NUP210L: variants seen among roughly 807,000 people sequenced by gnomAD.
NUP210L encodes nuclear pore membrane glycoprotein 210-like.
In NUP210L, 74 loss-of-function variants were observed where a neutral mutation model predicts 208.5. That is an observed-to-expected ratio of 0.35 (90% CI 0.29 to 0.43). The LOEUF (loss-of-function observed/expected upper bound fraction) is 0.43. Among genes scored for constraint, NUP210L ranks in the 20% least tolerant of loss-of-function variants. NUP210L has a pLI of 1.00. For synonymous variants in NUP210L, 780 were observed against 816.9 expected, an observed-to-expected ratio of 0.95 and a Z score of 0.77; for missense variants, 1,843 against 2,289.4, an observed-to-expected ratio of 0.81 and a Z score of 3.98.
intron 34 of NUP210L, among the ~76,000 whole-genome samples, chr1:154,011,372 C>T (rs533935802): frequency 6.6e-6 from 1 of 151,616 alleles, no homozygotes; most frequent in African/African-American, 2.4e-5. Flanking sequence ...TACAGGCACC[C>T]GCCACTGCAC....
At chr1:154,079,182 C>T (rs1275630676) in intron 16 of NUP210L, among the ~76,000 whole-genome samples, 1 of 151,736 alleles carries the variant, frequency 6.6e-6, no homozygotes, top group Non-Finnish European at 1.5e-5. Context: ...TCACTTGAGC[C>T]GAAGAGTTCA....
At chr1:154,077,231 C>A (rs1655085414) in intron 16 of NUP210L, among the ~76,000 whole-genome samples, 1 of 151,874 alleles carries the variant, frequency 6.6e-6, no homozygotes, top group African/African-American at 2.4e-5. Flanking sequence ...AAAAAATTAG[C>A]CAGGCGTGGT....
intron 16 of NUP210L, among the ~76,000 whole-genome samples, chr1:154,087,443 T>C (rs1158370976): frequency 6.6e-6 from 1 of 151,842 alleles, no homozygotes; most frequent in Non-Finnish European, 1.5e-5. Flanking sequence ...ATAATAGTAA[T>C]TGTTGGCAAG....
At chr1:154,033,947 G>A (rs1170000968) in intron 27 of NUP210L, among the ~76,000 whole-genome samples, 1 of 151,742 alleles carries the variant, frequency 6.6e-6, no homozygotes, top group Non-Finnish European at 1.5e-5. Flanking sequence ...TTTTTGAGAT[G>A]GTGTCTAGCT....
At chr1:154,025,489 G>T in intron 30 of NUP210L, 53 bp downstream of exon 30, 2 of 1,237,906 alleles carry the variant, frequency 1.6e-6, no homozygotes. Flanking sequence ...GCTTTTTAAG[G>T]CCAGGGTATG....
chr1:154,122,437 A>G (rs951978573), intron 10 of NUP210L, among the ~76,000 whole-genome samples: 10 of 152,086 alleles, frequency 6.6e-5, no homozygotes, highest in Non-Finnish European at 5.9e-5. Flanking sequence ...CAGGCAGATC[A>G]TGAGGTCAGG....
At chr1:154,020,148 C>T (rs916944738) in intron 32 of NUP210L, among the ~76,000 whole-genome samples, 2 of 152,138 alleles carry the variant, frequency 1.3e-5, no homozygotes, top group Admixed American at 1.3e-4. Context: ...GTCCAAAATA[C>T]GTATTAATGT....
At chr1:154,144,521 T>C (rs1336970127) in intron 2 of NUP210L, among the ~76,000 whole-genome samples, 1 of 152,160 alleles carries the variant, frequency 6.6e-6, no homozygotes, top group African/African-American at 2.4e-5. Context: ...AATATACCCA[T>C]AATGAAATTC....
intron 38 of NUP210L, among the ~76,000 whole-genome samples, chr1:153,993,769 G>T (rs1457012407): frequency 2.0e-5 from 3 of 152,054 alleles, no homozygotes; most frequent in Non-Finnish European, 4.4e-5. Flanking sequence ...GTGGTGGCGG[G>T]TGTCTGTAAT....
intron 16 of NUP210L, among the ~76,000 whole-genome samples, chr1:154,074,411 C>T (rs1462855399): frequency 6.6e-6 from 1 of 151,538 alleles, no homozygotes; most frequent in East Asian, 1.9e-4. Flanking sequence ...ATTTATTTTT[C>T]TTCTCTTTCT....
At chr1:154,152,665 C>T in intron 2 of NUP210L, 71 bp downstream of exon 2, 1 of 1,347,374 alleles carries the variant, frequency 7.4e-7, no homozygotes, top group Non-Finnish European at 1.0e-6. Flanking sequence ...TTTGTGTTAA[C>T]TATCTATACA....
chr1:154,085,696 A>G (rs1655588276), intron 16 of NUP210L, among the ~76,000 whole-genome samples: 1 of 152,146 alleles, frequency 6.6e-6, no homozygotes, highest in South Asian at 2.1e-4. Flanking sequence ...AAAGTTGCAA[A>G]ATTCATACTT....
At chr1:154,150,246 T>A (rs560266663) in intron 2 of NUP210L, among the ~76,000 whole-genome samples, 1 of 151,822 alleles carries the variant, frequency 6.6e-6, no homozygotes, top group South Asian at 2.1e-4. Flanking sequence ...TGGTGGCACA[T>A]GTCTGTAATC....
chr1:154,146,611 A>ACCCCC (rs1659123226), intron 2 of NUP210L, among the ~76,000 whole-genome samples: 4 of 82,170 alleles, frequency 4.9e-5, no homozygotes, highest in African/African-American at 5.0e-5. Context: ...GCAAGATCCC[A>ACCCCC]TCCCCCCTCC....
intron 12 of NUP210L, among the ~76,000 whole-genome samples, chr1:154,109,548 T>C (rs1185364811): frequency 7.8e-4 from 2 of 2,566 alleles, no homozygotes; most frequent in Non-Finnish European, 9.1e-3. Context: ...AAGGATCTAA[T>C]AGAATTTACA....
At chr1:154,063,461 A>G (rs1408632158) in intron 17 of NUP210L, among the ~76,000 whole-genome samples, 2 of 152,224 alleles carry the variant, frequency 1.3e-5, no homozygotes, top group Non-Finnish European at 2.9e-5. Flanking sequence ...AGAAGTAAAC[A>G]GGGTCAGTCT....
In NUP210L at chr1:154,155,020, TTGA is replaced by T. The variant is rs758252924; in HGVS notation, c.22_24del (p.Ser8del). ...AAAAAGAGCCCGAAGCCTCGGCGTC[TTGA>T]TGACGCCGGACAGCCAGTCATGGCG... On this transcript the variant is annotated inframe_deletion, in exon 1 of 40. Coordinates refer to ENST00000368559, the Ensembl canonical transcript of NUP210L. 1.8e-5 allele frequency: 29 copies of T among 1,610,702 alleles called. No individual in the cohort carries two copies. In the South Asian group the frequency reaches 3.2e-4, roughly 18 times the overall value.
chr1:154,080,948 T>C lies in NUP210L; in HGVS notation c.2361+8473A>G, dbSNP rs1456886879. Among the ~76,000 whole-genome samples the C allele has an allele frequency of 6.0e-5, 8 of 132,318 alleles. No individual in the cohort carries two copies. In the South Asian group the frequency reaches 1.8e-3, roughly 30 times the overall value. 86.8% of individuals were successfully genotyped at this position (132,318 alleles called of 152,430 possible). On this transcript the variant is annotated intron_variant, in intron 16 of 39. Transcript: ENST00000368559. The stretch of plus-strand genomic sequence containing the variant: ...GAGATAGTGCCACCATACTCCAACC[T>C]GGGCAACAGAGCAAGACTGTGCTTC...
At chr1:154,133,147 T>C (rs1250045550) in intron 7 of NUP210L, among the ~76,000 whole-genome samples, 64 of 152,256 alleles carry the variant, frequency 4.2e-4, no homozygotes, top group Admixed American at 4.2e-3. Flanking sequence ...ATGCCAAATA[T>C]GTTCCTACTT....
Sources: allele counts gnomAD v4.1 joint callset (sites outside exome capture counted in the v4.1 genomes callset), GRCh38; gene constraint gnomAD v4.1.1; transcripts MANE v1.5; gene names NCBI Gene and HGNC (gene_info 2026-07-23, HGNC 2026-07-21).